BRD4: variants seen among roughly 807,000 people sequenced by gnomAD.
BRD4 encodes bromodomain containing 4, also known as bromodomain-containing protein 4.
A neutral mutation model predicts 142.1 loss-of-function variants in BRD4; 16 were observed. The ratio of observed to expected loss-of-function variants is 0.11; its 90% CI spans 0.08 to 0.17. The LOEUF (loss-of-function observed/expected upper bound fraction) is 0.17, where lower values mean the gene tolerates loss of function less well. Among genes scored for constraint, BRD4 ranks in the 10% least tolerant of loss-of-function variants. BRD4 has a pLI of 1.00. For missense variants in BRD4, 1,424 were observed against 1,810.9 expected (o/e 0.79, Z 3.88); for synonymous variants, 833 against 707.5 (o/e 1.18, Z -2.82).
At chr19:15,279,914 C>A (rs551634914) in intron 1 of BRD4, among the ~76,000 whole-genome samples, 2 of 152,298 alleles carry the variant, frequency 1.3e-5, no homozygotes, top group East Asian at 3.9e-4. Context: ...TGATGGAGCA[C>A]ACAGGTAGAA....
intron 1 of BRD4, among the ~76,000 whole-genome samples, chr19:15,332,070 C>T (rs1038718632): frequency 6.9e-6 from 1 of 145,258 alleles, no homozygotes; most frequent in Non-Finnish European, 1.5e-5. Context: ...CCCGCCGCCC[C>T]GACACCAACG....
chr19:15,267,665 G>C (rs1027746511), intron 3 of BRD4, 114 bp from the exon 4 acceptor site: 1 of 1,263,822 alleles, frequency 7.9e-7, no homozygotes, highest in Non-Finnish European at 1.1e-6. Context: ...GTCGTATTCC[G>C]GGTCCTTCCC....
intron 1 of BRD4, among the ~76,000 whole-genome samples, chr19:15,310,266 T>G (rs972691863): frequency 3.1e-5 from 4 of 127,478 alleles, no homozygotes. Context: ...CAAGCTGAAG[T>G]GCAATGGCGT....
At chr19:15,293,101 A>C (rs1037673692) in intron 1 of BRD4, among the ~76,000 whole-genome samples, 1 of 152,172 alleles carries the variant, frequency 6.6e-6, no homozygotes, top group Admixed American at 6.5e-5. Flanking sequence ...CACTCAAAAC[A>C]GTGACATCCA....
chr19:15,286,406 C>T (rs1451366772), intron 1 of BRD4, among the ~76,000 whole-genome samples: 1 of 152,154 alleles, frequency 6.6e-6, no homozygotes, highest in African/African-American at 2.4e-5. Flanking sequence ...AGGTGGAGGG[C>T]ATGGGAGAGG....
chr19:15,321,616 A>T (rs2048062057), intron 1 of BRD4, among the ~76,000 whole-genome samples: 1 of 151,694 alleles, frequency 6.6e-6, no homozygotes, highest in Non-Finnish European at 1.5e-5. Context: ...AGATTCAACT[A>T]CTCTTGAGCC....
Position 15,315,973 on chromosome 19 carries a change from G to A in BRD4, c.-35+16317C>T, listed in dbSNP as rs183815454. Among the ~76,000 whole-genome samples, 506 of 148,534 alleles carry A rather than the reference G, an allele frequency of 3.4e-3. 3 individuals carry two copies. The highest frequency in any genetic ancestry group is 0.012 in the African/African-American group (493 of 40,246). On this transcript the variant is annotated intron_variant, in intron 1 of 19. Coordinates refer to ENST00000679869, the MANE Select transcript of BRD4 (RefSeq NM_001379291.1). ...GATCAAGACCATCCTGGTCTAACTC[G>A]ATGAAACCCCATCTCTACTAAAAAT...
rs757629079 is a variant in BRD4 at position 15,239,833 on chromosome 19, C to T, written c.3283-12G>A. 7.2e-5 allele frequency: 117 copies of T among 1,613,834 alleles called. No homozygotes were observed. The East Asian group carries it at 2.1e-3, about 28-fold the overall frequency. On this transcript the variant is annotated splice_polypyrimidine_tract_variant and intron_variant, in intron 15 of 19. Coordinates refer to ENST00000679869, the MANE Select transcript of BRD4 (RefSeq NM_001379291.1). The surrounding 1 kb of genome is among the most constrained non-coding windows in gnomAD (Gnocchi z 7.4). ...GCAGCACGCAGCTCCTGGGATGGCACAGGCACAGCGGCCGGTGAGGTGGGC... is the reference window on the plus strand; with the variant it reads ...GCAGCACGCAGCTCCTGGGATGGCATAGGCACAGCGGCCGGTGAGGTGGGC...
chr19:15,291,481 G>A (rs149452293), intron 1 of BRD4, among the ~76,000 whole-genome samples: 1,700 of 152,288 alleles, frequency 0.011, 28 homozygotes, highest in South Asian at 0.052. Context: ...AGATGGGATG[G>A]CACTTTAAAA....
chr19:15,320,771 C>G (rs190741944), intron 1 of BRD4, among the ~76,000 whole-genome samples: 99 of 152,252 alleles, frequency 6.5e-4, no homozygotes, highest in Non-Finnish European at 9.1e-4. Flanking sequence ...TCATCTTCTA[C>G]GAAAATATTT....
intron 1 of BRD4, among the ~76,000 whole-genome samples, chr19:15,307,498 A>G (rs1165681758): frequency 6.6e-6 from 1 of 152,234 alleles, no homozygotes; most frequent in Non-Finnish European, 1.5e-5. Flanking sequence ...CTGCTTAGGT[A>G]GTATATTCCA....
intron 14 of BRD4, among the ~76,000 whole-genome samples, chr19:15,241,927 C>T (rs557444213): frequency 6.6e-6 from 1 of 151,486 alleles, no homozygotes; most frequent in East Asian, 2.1e-4. Context: ...ATTCTCCCGC[C>T]TCAGCCTCCC....
At chr19:15,327,051 C>T (rs949305292) in intron 1 of BRD4, among the ~76,000 whole-genome samples, 2 of 152,196 alleles carry the variant, frequency 1.3e-5, no homozygotes, top group African/African-American at 4.8e-5. Context: ...TGTCAACATG[C>T]TGATATCCTT....
At chr19:15,286,076 C>T (rs145344932) in intron 1 of BRD4, among the ~76,000 whole-genome samples, 2 of 152,342 alleles carry the variant, frequency 1.3e-5, no homozygotes, top group Admixed American at 6.5e-5. Context: ...CCCCATTACC[C>T]TCTCCTAAGT....
intron 1 of BRD4, among the ~76,000 whole-genome samples, chr19:15,302,532 C>T (rs1412380532): frequency 2.0e-5 from 3 of 151,802 alleles, no homozygotes; most frequent in Admixed American, 6.6e-5. Context: ...AGCCAGGCAT[C>T]GTGGCACATG....
chr19:15,281,265 CTT>C (rs1435246964), intron 1 of BRD4, among the ~76,000 whole-genome samples: 1 of 152,038 alleles, frequency 6.6e-6, no homozygotes, highest in Non-Finnish European at 1.5e-5. Flanking sequence ...CCCATTACCT[CTT>C]GACTCTGCAG....
chr19:15,315,592 C>T (rs958407173), intron 1 of BRD4, among the ~76,000 whole-genome samples: 5 of 152,124 alleles, frequency 3.3e-5, no homozygotes, highest in African/African-American at 1.2e-4. Context: ...TGGTGGCTCA[C>T]GCCTGTAATC....
At chr19:15,277,816 G>A (rs2047663913) in intron 1 of BRD4, among the ~76,000 whole-genome samples, 2 of 136,480 alleles carry the variant, frequency 1.5e-5, no homozygotes, top group Admixed American at 7.3e-5. Flanking sequence ...AAAACAAAAA[G>A]CAAAGGTCAT....
intron 14 of BRD4, among the ~76,000 whole-genome samples, chr19:15,241,805 CTTTTTTTTTT>C (rs906788611): frequency 9.6e-6 from 1 of 104,320 alleles, no homozygotes. Flanking sequence ...TGGCACCTGA[CTTTTTTTTTT>C]TTTTTTTTTT....
Sources: gnomAD v4.1 joint callset for allele counts (sites outside exome capture counted in the v4.1 genomes callset) on GRCh38, gnomAD v4.1.1 for gene constraint, Gnocchi (gnomAD v3.1) non-coding constraint, MANE v1.5 for transcripts, NCBI Gene and HGNC (gene_info 2026-07-23, HGNC 2026-07-21) for gene names.